The following ABCB8 variants were observed in gnomAD, a reference collection of about 807,000 sequenced individuals.
ABCB8 encodes the protein mitochondrial potassium channel ATP-binding subunit.
ABCB8 carries 52 observed loss-of-function variants against 73.0 expected under a neutral mutation model. The ratio of observed to expected loss-of-function variants is 0.71; its 90% confidence interval spans 0.57 to 0.90. The LOEUF is 0.90. ABCB8 is among the 40% of genes least tolerant of loss of function. The probability of loss-of-function intolerance (pLI) is 0.00; values close to 1 mark genes in which losing one functional copy is unlikely to be tolerated. For synonymous variants in ABCB8, 428 were observed against 423.5 expected (o/e 1.01, Z -0.13); for missense variants, 909 against 974.6 (o/e 0.93, Z 0.90).
At position 151,031,177 on chromosome 7, in the gene ABCB8, G is replaced by A. The variant is rs149584379; in HGVS notation, c.96-2428G>A. ...GTGCTCAACAAGCATAAACATTTGC[G>A]GAACATCTATTATGTACCGGAGTTC... On this transcript the variant is annotated intron_variant, in intron 1 of 15. Coordinates refer to ENST00000358849, the MANE Select transcript of ABCB8 (RefSeq NM_007188.5). 541 of 1,049,254 alleles carry A rather than the reference G, an allele frequency of 5.2e-4. 2 individuals are homozygous for A. In the African/African-American group the frequency reaches 7.2e-3, roughly 14 times the overall value. 65.0% of individuals were successfully genotyped at this position (1,049,254 alleles called of 1,614,324 possible). A position where few individuals can be genotyped will look rare whatever the true frequency, so the allele number is the denominator to read the frequency against.
At chr7:151,042,520 C>T (rs1796495938) in intron 14 of ABCB8, among the ~76,000 whole-genome samples, 1 of 152,194 alleles carries the variant, frequency 6.6e-6, no homozygotes, top group African/African-American at 2.4e-5. Flanking sequence ...CCCTCTGGCT[C>T]CTGTTTCCTT....
In ABCB8 at chr7:151,035,900, G is replaced by A. The variant is rs142475735; in HGVS notation, c.946G>A (p.Val316Ile). The stretch of plus-strand genomic sequence containing the variant: ...CTTGCAGATCGCCAGGGCAATGGGC[G>A]TAGCAGACGAGGCCCTGGGCAATGT... Reference protein sequence around the residue: ...CQEQIARAMGVADEALGNVRT... With the variant: ...CQEQIARAMGIADEALGNVRT... The change falls in exon 7 of 16, where the codon GTA (valine) becomes ATA (isoleucine). Residue 316 changes from valine (V) to isoleucine (I), a missense_variant. Transcript: ENST00000358849. 2.3e-4 allele frequency: 372 copies of A among 1,613,622 alleles called. No individual in the cohort carries two copies. The highest frequency in any genetic ancestry group is 1.6e-3 in the East Asian group (70 of 44,890).
intron 1 of ABCB8, chr7:151,031,521 C>A: frequency 2.1e-6 from 1 of 477,310 alleles, no homozygotes. Flanking sequence ...AACCTTTCCC[C>A]ATCAGTAAGC....
rs754895839 is a variant in ABCB8, at chr7:151,043,953, C to A, written c.1766-18C>A. 4 of 1,605,548 alleles carry A rather than the reference C, an allele frequency of 2.5e-6. No homozygotes were observed. Among genetic ancestry groups the A allele is most frequent in the Middle Eastern group, 1.7e-4 (1 of 5,950 alleles). On this transcript the variant is annotated intron_variant, in intron 14 of 15. Coordinates refer to ENST00000358849, the MANE Select transcript of ABCB8 (RefSeq NM_007188.5). ...AAGTGCACAGCTTCAGGCTCCTGCC[C>A]TGCCCCTCCCTTCCCAGGTGAACGG... is the stretch of plus-strand genomic sequence containing the variant.
chr7:151,038,625 C>G (rs1337753196), intron 9 of ABCB8: 1 of 152,138 alleles, frequency 6.6e-6, no homozygotes, highest in African/African-American at 2.4e-5. Context: ...CCAGCCCCAA[C>G]CCTCCCGCTT....
Position 151,045,629 on chromosome 7 carries a change from C to G in ABCB8, c.*280C>G. 2.7e-6 allele frequency: 1 copy of G among 374,488 alleles called. No individual in the cohort carries two copies. Among genetic ancestry groups the G allele is most frequent in the Non-Finnish European group, 4.7e-6 (1 of 210,824 alleles). 23.2% of individuals were successfully genotyped at this position (374,488 alleles called of 1,614,324 possible). ...CAGAGTTCCACGAGACACCTCCACT[C>G]TATTCTCCCTTTGCCCAGACCCCTC... On this transcript the variant is annotated 3_prime_UTR_variant, in exon 16 of 16. Transcript: ENST00000358849.
At chr7:151,029,927 G>A (rs1165589726) in intron 1 of ABCB8, among the ~76,000 whole-genome samples, 1 of 152,188 alleles carries the variant, frequency 6.6e-6, no homozygotes, top group Non-Finnish European at 1.5e-5. Flanking sequence ...GGCAAGAGCT[G>A]GATCGAGCTG....
chr7:151,028,545 T>C lies in ABCB8; in HGVS notation c.30T>C (p.Ile10=), dbSNP rs746850599. MLVHLFRVG[I]RGGPFPGRLL... is the part of the protein sequence containing the mutation. ...TGGTGCATTTATTTCGGGTCGGGAT[T>C]CGGGGTGGCCCATTCCCAGGCAGGC... is the stretch of plus-strand genomic sequence containing the variant. The change falls in exon 1 of 16, where the codon ATT becomes ATC. Residue 10 remains isoleucine (I), a synonymous_variant. Coordinates refer to ENST00000358849, the MANE Select transcript of ABCB8 (RefSeq NM_007188.5). The C allele has an allele frequency of 6.2e-7, 1 of 1,614,004 alleles. No individual in the cohort carries two copies. The highest frequency in any genetic ancestry group is 8.5e-7 in the Non-Finnish European group (1 of 1,179,990).
chr7:151,031,206 C>A, intron 1 of ABCB8: 1 of 1,324,916 alleles, frequency 7.5e-7, no homozygotes, highest in Non-Finnish European at 1.0e-6. Context: ...GGAGTTCTGC[C>A]AGTGCTGTCT....
intron 15 of ABCB8, 107 bp downstream of exon 15, chr7:151,044,328 C>T (rs1189001026): frequency 6.6e-7 from 1 of 1,504,224 alleles, no homozygotes; most frequent in African/African-American, 1.4e-5. Context: ...GCCCCAGGGC[C>T]TTGGGGGCTA....
chr7:151,045,269 C>T lies in ABCB8; in HGVS notation c.2077C>T (p.Gln693Ter). 6.2e-7 allele frequency: 1 copy of T among 1,605,224 alleles called. No individual in the cohort carries two copies. The highest frequency in any genetic ancestry group is 1.1e-5 in the South Asian group (1 of 89,866). Residue 693 changes from glutamine (Q) to a stop codon, truncating the protein, a stop_gained, in exon 16 of 16, where the codon CAG (glutamine) becomes TAG (stop). Coordinates refer to ENST00000358849, the MANE Select transcript of ABCB8 (RefSeq NM_007188.5). LOFTEE classifies it low-confidence loss of function (END_TRUNC). ...GGLYAELIRR[Q>*]ALDAPRTAAP... ...GCTATACGCCGAGCTCATCCGGAGG[C>T]AGGCCCTGGATGCCCCGAGGACAGC...
chr7:151,040,185 C>A (rs1366201756), intron 9 of ABCB8, 83 bp from the exon 10 acceptor site: 1 of 1,523,668 alleles, frequency 6.6e-7, no homozygotes, highest in African/African-American at 1.4e-5. Flanking sequence ...CTTCCTTGCT[C>A]CCCCGCCCCA....
chr7:151,047,283 C>A lies in ABCB8; in HGVS notation c.*1934C>A, dbSNP rs1796637541. The A allele has an allele frequency of 1.4e-5, 1 of 69,014 alleles. No homozygotes were observed. The highest frequency in any genetic ancestry group is 3.2e-5 in the Non-Finnish European group (1 of 30,782). 4.3% of individuals were successfully genotyped at this position (69,014 alleles called of 1,614,324 possible). A position where few individuals can be genotyped will look rare whatever the true frequency, so the allele number is the denominator to read the frequency against. On this transcript the variant is annotated 3_prime_UTR_variant, in exon 16 of 16. Transcript: ENST00000358849. ...AAGAGCTAGACCGCAGGAGCCGCGC[C>A]GTCTTCCTAACCTCGCCTCGGCCTT...
At chr7:151,044,353 C>A in intron 15 of ABCB8, 132 bp downstream of exon 15, 2 of 1,422,366 alleles carry the variant, frequency 1.4e-6, no homozygotes, top group Non-Finnish European at 1.9e-6. Flanking sequence ...CTGGAAGCAG[C>A]GTCCCATATA....
intron 1 of ABCB8, chr7:151,028,883 A>G: frequency 3.3e-6 from 5 of 1,508,492 alleles, no homozygotes; most frequent in Non-Finnish European, 4.4e-6. Flanking sequence ...CGCACTCCCG[A>G]CCGGGGGTCC....
chr7:151,038,745 CTG>C (rs1385289665), intron 9 of ABCB8: 2 of 152,226 alleles, frequency 1.3e-5, no homozygotes, highest in East Asian at 1.9e-4. Flanking sequence ...AGGGGCTTGT[CTG>C]TGCTGTTTCG....
At chr7:151,037,781 C>T (rs745395824) in intron 9 of ABCB8, 1 of 178,666 alleles carries the variant, frequency 5.6e-6, no homozygotes, top group Admixed American at 5.5e-5. Flanking sequence ...GGTGTACTGT[C>T]CCAGGAAGCG....
At chr7:151,029,650 A>T (rs557356823) in intron 1 of ABCB8, 2 of 151,828 alleles carry the variant, frequency 1.3e-5, no homozygotes, top group Admixed American at 1.3e-4. Context: ...GGGATTACAG[A>T]TGTGCACCAC....
chr7:151,040,072 C>A, intron 9 of ABCB8, 196 bp from the exon 10 acceptor site: 1 of 601,288 alleles, frequency 1.7e-6, no homozygotes, highest in South Asian at 2.3e-5. Context: ...CCTCATCTGG[C>A]CAAGGAGGGA....
Sources: gnomAD v4.1 joint callset for allele counts (sites outside exome capture counted in the v4.1 genomes callset) on GRCh38, gnomAD v4.1.1 for gene constraint, MANE v1.5 for transcripts, NCBI Gene and HGNC (gene_info 2026-07-23, HGNC 2026-07-21) for gene names.